NLGN1: variants seen among roughly 807,000 people sequenced by gnomAD.
NLGN1 encodes neuroligin 1, also known as neuroligin-1.
A neutral mutation model predicts 65.5 loss-of-function variants in NLGN1; 12 were observed. The observed-to-expected ratio is 0.18, with a 90% CI of 0.12 to 0.30. The LOEUF (loss-of-function observed/expected upper bound fraction) is 0.30, where lower values mean the gene tolerates loss of function less well. Among genes scored for constraint, NLGN1 ranks in the 10% least tolerant of loss-of-function variants. The pLI is 1.00. For synonymous variants in NLGN1, 350 were observed against 359.5 expected (o/e 0.97, Z 0.30); for missense variants, 750 against 1,007.1 (o/e 0.74, Z 3.46).
At chr3:174,035,329 T>C (rs1463287129) in intron 4 of NLGN1, among the ~76,000 whole-genome samples, 1 of 152,208 alleles carries the variant, frequency 6.6e-6, no homozygotes, top group Non-Finnish European at 1.5e-5. Flanking sequence ...GTTAATTTTA[T>C]ATTTCATTGA....
intron 3 of NLGN1, among the ~76,000 whole-genome samples, chr3:173,673,763 G>A (rs1762765485): frequency 6.6e-6 from 1 of 152,002 alleles, no homozygotes; most frequent in Admixed American, 6.6e-5. Context: ...ATGGTAGAAA[G>A]GTGTCCAGGT....
At chr3:173,600,091 A>G (rs185284826) in intron 2 of NLGN1, among the ~76,000 whole-genome samples, 1 of 152,210 alleles carries the variant, frequency 6.6e-6, no homozygotes, top group East Asian at 1.9e-4. Context: ...TTCATAAAAT[A>G]AAACAGAATC....
downstream of NLGN1, among the ~76,000 whole-genome samples, chr3:174,291,438 A>T (rs1752754452): frequency 6.6e-6 from 1 of 151,246 alleles, no homozygotes; most frequent in African/African-American, 2.4e-5. Context: ...ACATCAAGAC[A>T]TATGCTAATA....
At chr3:173,849,536 C>T (rs1259335554) in intron 4 of NLGN1, among the ~76,000 whole-genome samples, 1 of 152,104 alleles carries the variant, frequency 6.6e-6, no homozygotes, top group East Asian at 1.9e-4. Flanking sequence ...TTATATTTTA[C>T]TAATACAAAA....
intron 3 of NLGN1, among the ~76,000 whole-genome samples, chr3:173,798,404 A>G (rs1002664298): frequency 2.0e-5 from 3 of 152,082 alleles, no homozygotes; most frequent in African/African-American, 4.8e-5. Context: ...TTTGAAGTCT[A>G]ATATTTTGAG....
At chr3:173,405,093 A>T (rs1718383551) in intron 1 of NLGN1, among the ~76,000 whole-genome samples, 1 of 152,108 alleles carries the variant, frequency 6.6e-6, no homozygotes. Flanking sequence ...ACCTCTTCTG[A>T]ATCATTTTTT....
chr3:174,232,118 G>A (rs538875317), intron 4 of NLGN1, among the ~76,000 whole-genome samples: 10 of 152,270 alleles, frequency 6.6e-5, no homozygotes, highest in Non-Finnish European at 1.5e-4. Context: ...GGCTGAGTCC[G>A]AAAAGAGAGT....
At chr3:173,682,859 T>G (rs73880543) in intron 3 of NLGN1, among the ~76,000 whole-genome samples, 1 of 152,098 alleles carries the variant, frequency 6.6e-6, no homozygotes, top group African/African-American at 2.4e-5. Context: ...AAATCATGGA[T>G]GTTGAAACCT....
chr3:174,030,535 C>A (rs371323330), intron 4 of NLGN1, among the ~76,000 whole-genome samples: 1 of 152,148 alleles, frequency 6.6e-6, no homozygotes, highest in African/African-American at 2.4e-5. Context: ...GTGTCTGATT[C>A]TGAAGTATGC....
At chr3:174,098,966 C>T (rs1477269443) in intron 4 of NLGN1, among the ~76,000 whole-genome samples, 3 of 152,170 alleles carry the variant, frequency 2.0e-5, no homozygotes, top group East Asian at 3.9e-4. Context: ...AATGAGATCT[C>T]ATTAAACCAA....
At chr3:173,479,752 C>A (rs990302869) in intron 2 of NLGN1, among the ~76,000 whole-genome samples, 10 of 151,794 alleles carry the variant, frequency 6.6e-5, no homozygotes, top group African/African-American at 2.4e-4. Flanking sequence ...AAACTGACAA[C>A]AACAGGGAAA....
At chr3:173,781,070 G>C (rs1781061825) in intron 3 of NLGN1, among the ~76,000 whole-genome samples, 1 of 143,752 alleles carries the variant, frequency 7.0e-6, no homozygotes, top group South Asian at 2.2e-4. Context: ...CGTGAACCCA[G>C]GAGGGTGGAG....
intron 4 of NLGN1, among the ~76,000 whole-genome samples, chr3:173,916,313 T>C (rs555822274): frequency 3.4e-4 from 51 of 152,226 alleles, no homozygotes; most frequent in East Asian, 7.7e-4. Context: ...CAAAACACAA[T>C]TGGTAAAACA....
At chr3:173,454,167 T>G (rs1452622072) in intron 2 of NLGN1, among the ~76,000 whole-genome samples, 2 of 152,172 alleles carry the variant, frequency 1.3e-5, no homozygotes, top group Non-Finnish European at 2.9e-5. Flanking sequence ...GTCTTAACAG[T>G]GGGCTTAAAA....
intron 3 of NLGN1, among the ~76,000 whole-genome samples, chr3:173,767,791 C>A (rs908067826): frequency 1.3e-5 from 2 of 151,962 alleles, no homozygotes; most frequent in Non-Finnish European, 2.9e-5. Flanking sequence ...TTTTCTTCAA[C>A]ATAAATTATA....
At chr3:173,745,462 TA>T (rs746720314) in intron 3 of NLGN1, among the ~76,000 whole-genome samples, 41 of 150,616 alleles carry the variant, frequency 2.7e-4, no homozygotes, top group Non-Finnish European at 5.4e-4. Context: ...TAAGTACATC[TA>T]AAGCTTTTTT....
At chr3:173,555,212 C>A (rs150007123) in intron 2 of NLGN1, among the ~76,000 whole-genome samples, 1 of 152,194 alleles carries the variant, frequency 6.6e-6, no homozygotes, top group African/African-American at 2.4e-5. Context: ...CATGAATGGG[C>A]ATAACATTTT....
intron 2 of NLGN1, among the ~76,000 whole-genome samples, chr3:173,461,047 A>G (rs1193186300): frequency 6.6e-6 from 1 of 152,194 alleles, no homozygotes; most frequent in Non-Finnish European, 1.5e-5. Context: ...GAGAGACAGT[A>G]GTTTACTCTA....
At chr3:173,969,974 C>G (rs1715822118) in intron 4 of NLGN1, among the ~76,000 whole-genome samples, 1 of 151,184 alleles carries the variant, frequency 6.6e-6, no homozygotes, top group Admixed American at 6.6e-5. Flanking sequence ...TATTATATAA[C>G]TGTAATATTT....
Sources: allele counts gnomAD v4.1 joint callset (sites outside exome capture counted in the v4.1 genomes callset), GRCh38; gene constraint gnomAD v4.1.1; transcripts MANE v1.5; gene names NCBI Gene and HGNC (gene_info 2026-07-23, HGNC 2026-07-21).